CCDC88C: variants seen among roughly 807,000 people sequenced by gnomAD.
CCDC88C encodes coiled-coil and HOOK domain protein 88C.
CCDC88C carries 131 observed loss-of-function variants against 198.8 expected under a neutral mutation model. The ratio of observed to expected loss-of-function variants is 0.66; its 90% CI spans 0.57 to 0.76. CCDC88C has a LOEUF of 0.76. Among genes scored for constraint, CCDC88C ranks in the 30% least tolerant of loss-of-function variants. The pLI, the probability that CCDC88C is intolerant of heterozygous loss-of-function variation, is 0.00. For missense variants in CCDC88C, 2,553 were observed against 2,631.6 expected, an observed-to-expected ratio of 0.97 and a Z score of 0.65; for synonymous variants, 1,166 against 1,114.7, an observed-to-expected ratio of 1.05 and a Z score of -0.92.
chr14:91,351,623 C>T (rs1206066716), intron 4 of CCDC88C, among the ~76,000 whole-genome samples: 2 of 152,166 alleles, frequency 1.3e-5, no homozygotes, highest in African/African-American at 4.8e-5. Flanking sequence ...CATGTCACCA[C>T]GTGCCCCCAC....
intron 12 of CCDC88C, among the ~76,000 whole-genome samples, chr14:91,322,775 G>C (rs1186923172): frequency 2.6e-5 from 4 of 152,038 alleles, no homozygotes; most frequent in Non-Finnish European, 5.9e-5. Context: ...ACTGACCACA[G>C]AGATTAATTT....
Position 91,401,624 on chromosome 14 carries a change from C to T in CCDC88C, c.270+7035G>A, listed in dbSNP as rs555946229. Among the ~76,000 whole-genome samples the T allele has an allele frequency of 3.7e-4, 56 of 152,010 alleles. No homozygotes were observed. In the Middle Eastern group the frequency reaches 0.01, roughly 28 times the overall value. On this transcript the variant is annotated intron_variant, in intron 3 of 29. Transcript: ENST00000389857. The stretch of plus-strand genomic sequence containing the variant: ...TGCTGGGATTACAGGCGTGAGCCAC[C>T]GCACCTGGCCAGAAAATATTTTTAT...
At position 91,371,395 on chromosome 14, in the gene CCDC88C, A is replaced by ACC. The variant is rs142344457; in HGVS notation, c.271-11686_271-11685dup. On this transcript the variant is annotated intron_variant, in intron 3 of 29. Coordinates refer to ENST00000389857, the MANE Select transcript of CCDC88C (RefSeq NM_001080414.4). The surrounding 1 kb of genome is among the most constrained non-coding windows in gnomAD (Gnocchi z 4.2). ...TGCAGGGTGGGCTGGGACAGGCATG[A>ACC]CCCCCCCAGCCAGAATGAGTGTAGT... is the stretch of plus-strand genomic sequence containing the variant. Among the ~76,000 whole-genome samples, 1 of 150,746 alleles carries ACC rather than the reference A, an allele frequency of 6.6e-6. No homozygotes were observed. Among genetic ancestry groups the ACC allele is most frequent in the African/African-American group, 2.4e-5 (1 of 40,942 alleles).
intron 3 of CCDC88C, 129 bp downstream of exon 3, chr14:91,408,530 A>G: frequency 1.5e-6 from 1 of 680,178 alleles, no homozygotes. Context: ...ACATGAAAGC[A>G]GACCAACTGT....
chr14:91,303,694 G>A lies in CCDC88C; in HGVS notation c.3635+7C>T, dbSNP rs1891431468. 1.3e-6 allele frequency: 2 copies of A among 1,569,532 alleles called. No homozygotes were observed. The highest frequency in any genetic ancestry group is 1.4e-5 in the African/African-American group (1 of 73,718). On this transcript the variant is annotated splice_region_variant and intron_variant, in intron 20 of 29. Transcript: ENST00000389857. ...TCCCCAGATCCCCTTCCTTCCCCAG[G>A]CCCTACCTCTCCCCGAGCTCCTTGT...
chr14:91,404,783 G>A (rs1832510255), intron 3 of CCDC88C, among the ~76,000 whole-genome samples: 1 of 151,964 alleles, frequency 6.6e-6, no homozygotes, highest in Admixed American at 6.6e-5. Flanking sequence ...CTAACACGGT[G>A]AAAACCCGTC....
rs556043686 is a variant in CCDC88C at position 91,370,329 on chromosome 14, C to T, written c.271-10618G>A. ...ACAGCACATCTTTATGGCGTTAACTCGGCTGCCAGCTCTCACCAGCAGGCA... is the reference window on the plus strand; with the variant it reads ...ACAGCACATCTTTATGGCGTTAACTTGGCTGCCAGCTCTCACCAGCAGGCA... On this transcript the variant is annotated intron_variant, in intron 3 of 29. Transcript: ENST00000389857. Among the ~76,000 whole-genome samples the T allele has an allele frequency of 1.6e-3, 237 of 152,328 alleles. 1 individual carries two copies. Among genetic ancestry groups the T allele is most frequent in the African/African-American group, 5.2e-3 (215 of 41,556 alleles).
At chr14:91,305,699 T>C (rs1431600179) in intron 19 of CCDC88C, 66 bp downstream of exon 19, 19 of 1,506,894 alleles carry the variant, frequency 1.3e-5, no homozygotes, top group Admixed American at 3.8e-5. Flanking sequence ...CCCCAGTTGG[T>C]CCCCAGGAGC....
chr14:91,345,260 T>C (rs1312915821), intron 4 of CCDC88C, among the ~76,000 whole-genome samples: 1 of 139,648 alleles, frequency 7.2e-6, no homozygotes, highest in African/African-American at 2.7e-5. Context: ...TGGCACAATT[T>C]TGGCTCACTT....
chr14:91,339,569 G>T lies in CCDC88C; in HGVS notation c.625-107C>A, dbSNP rs551394453. The T allele has an allele frequency of 8.9e-7, 1 of 1,126,006 alleles. No homozygotes were observed. Among genetic ancestry groups the T allele is most frequent in the Non-Finnish European group, 1.2e-6 (1 of 800,528 alleles). The allele number at this position is 1,126,006 out of a possible 1,614,324, so 69.8% of individuals were successfully genotyped here. A position where few individuals can be genotyped will look rare whatever the true frequency, so the allele number is the denominator to read the frequency against. The stretch of plus-strand genomic sequence containing the variant: ...ACCGCCAAAAGACAGATATTTCAGC[G>T]GAGACTAAGAAACGAGGAGGAAGGT... On this transcript the variant is annotated intron_variant, in intron 7 of 29. Transcript: ENST00000389857. This position sits in a 1 kb window ranked among gnomAD's most constrained non-coding sequence, Gnocchi z 5.8.
chr14:91,353,440 T>A (rs1435197966), intron 4 of CCDC88C, among the ~76,000 whole-genome samples: 1 of 152,142 alleles, frequency 6.6e-6, no homozygotes, highest in Non-Finnish European at 1.5e-5. Flanking sequence ...CAACCCAGAC[T>A]GGGGGCTTCC....
chr14:91,339,536 G>C lies in CCDC88C; in HGVS notation c.625-74C>G. 1 of 1,386,162 alleles carries C rather than the reference G, an allele frequency of 7.2e-7. No individual in the cohort carries two copies. Among genetic ancestry groups the C allele is most frequent in the Non-Finnish European group, 9.8e-7 (1 of 1,020,656 alleles). The allele number at this position is 1,386,162 out of a possible 1,614,324, so 85.9% of individuals were successfully genotyped here. A position where few individuals can be genotyped will look rare whatever the true frequency, so the allele number is the denominator to read the frequency against. ...AGCACAACGCCTGAGCTTGAACAGG[G>C]TGAAGAAACCGCCAAAAGACAGATA... On this transcript the variant is annotated intron_variant, in intron 7 of 29. Coordinates refer to ENST00000389857, the MANE Select transcript of CCDC88C (RefSeq NM_001080414.4). The surrounding 1 kb of genome is among the most constrained non-coding windows in gnomAD (Gnocchi z 5.8).
At chr14:91,320,437 C>T (rs528115882) in intron 13 of CCDC88C, among the ~76,000 whole-genome samples, 3 of 152,342 alleles carry the variant, frequency 2.0e-5, no homozygotes, top group East Asian at 1.9e-4. Context: ...CACCACTCCC[C>T]GCACCCACCG....
intron 2 of CCDC88C, among the ~76,000 whole-genome samples, chr14:91,413,433 G>C (rs1050617710): frequency 3.3e-5 from 5 of 152,200 alleles, no homozygotes; most frequent in South Asian, 4.1e-4. Context: ...GAACTTGTCT[G>C]CCTGATGCTA....
chr14:91,305,982 G>C, intron 18 of CCDC88C, 56 bp from the exon 19 acceptor site: 1 of 1,571,264 alleles, frequency 6.4e-7, no homozygotes, highest in Non-Finnish European at 8.7e-7. Context: ...ATGCTAACTG[G>C]CCACAGGTAC....
rs1391831108 is a variant in CCDC88C, at chr14:91,273,030, C to T, written c.5682G>A (p.Glu1894=). The change falls in exon 30 of 30, where the codon GAG becomes GAA. Residue 1894 remains glutamate (E), a synonymous_variant. Coordinates refer to ENST00000389857, the MANE Select transcript of CCDC88C (RefSeq NM_001080414.4). This position sits in a 1 kb window ranked among gnomAD's most constrained non-coding sequence, Gnocchi z 5.6. Reference sequence around the variant, plus strand: ...CAGACTGATGCAGGGGGGCCAGCCTCTCCTCCTTTGGGGGAGCCAGGGAGA... The same window carrying T: ...CAGACTGATGCAGGGGGGCCAGCCTTTCCTCCTTTGGGGGAGCCAGGGAGA... ...RRFSLAPPKE[E]RLAPLHQSAT... is the part of the protein sequence containing the mutation. 2 of 1,555,536 alleles carry T rather than the reference C, an allele frequency of 1.3e-6. No homozygotes were observed. The highest frequency in any genetic ancestry group is 1.2e-5 in the South Asian group (1 of 85,396).
At chr14:91,375,032 C>A (rs1884310472) in intron 3 of CCDC88C, among the ~76,000 whole-genome samples, 1 of 152,172 alleles carries the variant, frequency 6.6e-6, no homozygotes, top group Non-Finnish European at 1.5e-5. Context: ...GGGCAAAACA[C>A]CAGGAACTCT....
intron 23 of CCDC88C, 102 bp downstream of exon 23, chr14:91,294,071 G>T (rs935038894): frequency 2.9e-6 from 4 of 1,372,652 alleles, no homozygotes; most frequent in Admixed American, 1.8e-5. Flanking sequence ...ATCCCAACGG[G>T]CCCAGGGGCT....
intron 17 of CCDC88C, among the ~76,000 whole-genome samples, chr14:91,307,459 G>C (rs556450442): frequency 1.3e-5 from 2 of 152,226 alleles, no homozygotes; most frequent in Non-Finnish European, 2.9e-5. Flanking sequence ...CCTGCAACCC[G>C]TTCCTGCCTC....
Sources: gnomAD v4.1 joint callset for allele counts (sites outside exome capture counted in the v4.1 genomes callset) on GRCh38, gnomAD v4.1.1 for gene constraint, Gnocchi (gnomAD v3.1) non-coding constraint, MANE v1.5 for transcripts, NCBI Gene and HGNC (gene_info 2026-07-23, HGNC 2026-07-21) for gene names.